The following GPR149 variants were observed in gnomAD, a reference collection of about 807,000 sequenced individuals.
GPR149 encodes G protein-coupled receptor 149.
In GPR149, 50 loss-of-function variants were observed where a neutral mutation model predicts 50.2. The ratio of observed to expected loss-of-function variants is 1.00; its 90% CI spans 0.79 to 1.26. The LOEUF (loss-of-function observed/expected upper bound fraction) is 1.26, where lower values mean the gene tolerates loss of function less well. Ranked by LOEUF, GPR149 falls within the 50% of genes most tolerant of loss-of-function variation. The pLI, the probability that GPR149 is intolerant of heterozygous loss-of-function variation, is 0.00. For synonymous variants in GPR149, 405 were observed against 358.2 expected, an observed-to-expected ratio of 1.13 and a Z score of -1.48; for missense variants, 983 against 895.4, an observed-to-expected ratio of 1.10 and a Z score of -1.25.
intron 3 of GPR149, among the ~76,000 whole-genome samples, chr3:154,410,295 CAT>C (rs976591479): frequency 6.6e-6 from 1 of 152,080 alleles, no homozygotes; most frequent in Non-Finnish European, 1.5e-5. Flanking sequence ...GCATAAATCT[CAT>C]AGGACCTATA....
chr3:154,352,492 T>A (rs1714103980), intron 3 of GPR149: 3 of 775,428 alleles, frequency 3.9e-6, no homozygotes, highest in Admixed American at 3.4e-5. Flanking sequence ...ACACTGGTAA[T>A]CTGAGACGCT....
At chr3:154,399,847 T>G (rs1711507556) in intron 3 of GPR149, among the ~76,000 whole-genome samples, 2 of 152,172 alleles carry the variant, frequency 1.3e-5, no homozygotes, top group East Asian at 1.9e-4. Context: ...CACAGTTGCT[T>G]TCACTGAAAT....
chr3:154,355,130 C>T (rs556505700), intron 3 of GPR149, among the ~76,000 whole-genome samples: 32 of 152,236 alleles, frequency 2.1e-4, no homozygotes, highest in African/African-American at 7.0e-4. Flanking sequence ...TGGGTTCAAG[C>T]GGTTGTCCTG....
chr3:154,384,728 C>G lies in GPR149; in HGVS notation c.1623+36311G>C, dbSNP rs764030139. On this transcript the variant is annotated intron_variant, in intron 3 of 3. Transcript: ENST00000389740. ...GAGCTAGAGTCCAAAATCTACCCAGCAACAAGGAAGCCATCCAAAGTTCTG... is the reference window on the plus strand; with the variant it reads ...GAGCTAGAGTCCAAAATCTACCCAGGAACAAGGAAGCCATCCAAAGTTCTG... 3.3e-5 allele frequency among the ~76,000 whole-genome samples: 5 copies of G among 152,346 alleles called. No homozygotes were observed. In the East Asian group the frequency reaches 9.6e-4, roughly 29 times the overall value.
chr3:154,414,271 G>A (rs886182110), intron 3 of GPR149, among the ~76,000 whole-genome samples: 1 of 151,824 alleles, frequency 6.6e-6, no homozygotes, highest in Non-Finnish European at 1.5e-5. Context: ...ACTTATTCAT[G>A]TAACCAAATA....
At position 154,338,039 on chromosome 3, in the gene GPR149, A is replaced by C; in HGVS notation, c.1856T>G (p.Leu619Trp). ...ATTATCACAAATTTCAAGAACCTCC[A>C]AGTGTATTTTCACACTGGTGTCCAC... ...TFVDTSVKIH[L>W]EVLEICDNEE... Residue 619 changes from leucine to tryptophan, a missense_variant, in exon 4 of 4, where the codon TTG becomes TGG. Transcript: ENST00000389740. 1 of 1,614,230 alleles carries C rather than the reference A, an allele frequency of 6.2e-7. No individual in the cohort carries two copies. The highest frequency in any genetic ancestry group is 8.5e-7 in the Non-Finnish European group (1 of 1,180,032).
chr3:154,422,327 T>C (rs1292520379), intron 2 of GPR149, among the ~76,000 whole-genome samples: 1 of 151,662 alleles, frequency 6.6e-6, no homozygotes, highest in African/African-American at 2.4e-5. Flanking sequence ...ACAATTTTTA[T>C]GTTGAATGTC....
At chr3:154,414,305 T>C (rs1349400960) in intron 3 of GPR149, among the ~76,000 whole-genome samples, 1 of 151,450 alleles carries the variant, frequency 6.6e-6, no homozygotes, top group Admixed American at 6.6e-5. Context: ...AAAAACCTAT[T>C]GAAATAAAAA....
rs1402496680 is a variant in GPR149, at chr3:154,352,897, C to G, written c.1624-14626G>C. The G allele has an allele frequency of 2.3e-5, 20 of 883,166 alleles. No individual in the cohort carries two copies. The East Asian group carries it at 4.8e-4, about 21-fold the overall frequency. The allele number at this position is 883,166 out of a possible 1,614,324, so 54.7% of individuals were successfully genotyped here. On this transcript the variant is annotated intron_variant, in intron 3 of 3. Coordinates refer to ENST00000389740, the MANE Select transcript of GPR149 (RefSeq NM_001038705.3). ...TATACAAATCCCTGTCCAGCTCTACCTGTGCATCCAGAGCGATGGATACGG... is the reference window on the plus strand; with the variant it reads ...TATACAAATCCCTGTCCAGCTCTACGTGTGCATCCAGAGCGATGGATACGG...
rs112804958 is a variant in GPR149, at chr3:154,354,483, G to A, written c.1624-16212C>T. On this transcript the variant is annotated intron_variant, in intron 3 of 3. Coordinates refer to ENST00000389740, the MANE Select transcript of GPR149 (RefSeq NM_001038705.3). ...TCTTCAGCTGATTTCTTTTTTGCAG[G>A]TCAAATGTTTCCAGTAAAAATTTTA... Among the ~76,000 whole-genome samples, 1,455 of 152,098 alleles carry A rather than the reference G, an allele frequency of 9.6e-3. 15 individuals carry two copies. The highest frequency in any genetic ancestry group is 0.017 in the Non-Finnish European group (1,158 of 67,980).
intron 3 of GPR149, chr3:154,353,431 C>A: frequency 9.7e-7 from 1 of 1,026,074 alleles, no homozygotes; most frequent in Non-Finnish European, 1.5e-6. Context: ...TCAACTTGTT[C>A]ATTAAAATCT....
At chr3:154,389,644 A>G (rs1715119836) in intron 3 of GPR149, among the ~76,000 whole-genome samples, 1 of 152,082 alleles carries the variant, frequency 6.6e-6, no homozygotes. Context: ...GAAACAAACA[A>G]AAGAGCTCCC....
At position 154,428,721 on chromosome 3, in the gene GPR149, T is replaced by G; in HGVS notation, c.895A>C (p.Thr299Pro). 1 of 1,614,122 alleles carries G rather than the reference T, an allele frequency of 6.2e-7. No individual in the cohort carries two copies. The highest frequency in any genetic ancestry group is 1.3e-5 in the African/African-American group (1 of 75,044). ...GCTACGCTCACGGTGAAGCTCCTGG[T>G]GCCATAGAGAGTCCCCCGGTTCTCA... ...RRENRGTLYG[T>P]RSFTVSVAQK... Residue 299 changes from threonine to proline, a missense_variant, in exon 1 of 4, where the codon ACC (threonine) becomes CCC (proline). Thr to Pro is a conservative substitution (Grantham distance 38). Transcript: ENST00000389740.
At chr3:154,367,778 A>G (rs1396184367) in intron 3 of GPR149, among the ~76,000 whole-genome samples, 1 of 152,106 alleles carries the variant, frequency 6.6e-6, no homozygotes, top group Admixed American at 6.5e-5. Context: ...GGCATGGCTA[A>G]GGCAAGAACC....
At chr3:154,352,989 G>T in intron 3 of GPR149, 5 of 1,140,822 alleles carry the variant, frequency 4.4e-6, no homozygotes, top group Non-Finnish European at 6.7e-6. Flanking sequence ...CAAACTATGG[G>T]CAGCCACATT....
At chr3:154,403,862 G>A (rs932027733) in intron 3 of GPR149, among the ~76,000 whole-genome samples, 4 of 152,136 alleles carry the variant, frequency 2.6e-5, no homozygotes, top group Non-Finnish European at 5.9e-5. Context: ...AGATGGTCCT[G>A]TTCCATATGG....
At chr3:154,395,650 G>A (rs1715273338) in intron 3 of GPR149, among the ~76,000 whole-genome samples, 1 of 151,896 alleles carries the variant, frequency 6.6e-6, no homozygotes, top group Non-Finnish European at 1.5e-5. Context: ...CTAAACTTTA[G>A]CCAGGCATGG....
In GPR149 at chr3:154,337,822, G is replaced by C. The variant is rs761628711; in HGVS notation, c.2073C>G (p.Asp691Glu). The C allele has an allele frequency of 3.1e-6, 5 of 1,614,064 alleles. No homozygotes were observed. The South Asian group carries it at 4.4e-5, about 14-fold the overall frequency. ...PDGDINISIPDTVEAHRQNSK... is the reference protein window; with the variant it reads ...PDGDINISIPETVEAHRQNSK... ...TGTTCTGCCTGTGTGCTTCTACTGT[G>C]TCTGGAATGGAGATATTAATATCAC... The change falls in exon 4 of 4, where the codon GAC becomes GAG. Residue 691 changes from aspartate to glutamate, a missense_variant. Coordinates refer to ENST00000389740, the MANE Select transcript of GPR149 (RefSeq NM_001038705.3).
chr3:154,362,490 T>C (rs1264032057), intron 3 of GPR149, among the ~76,000 whole-genome samples: 1 of 152,106 alleles, frequency 6.6e-6, no homozygotes, highest in Non-Finnish European at 1.5e-5. Context: ...TTAAAAACTA[T>C]TAAAAATATC....
Sources: allele counts gnomAD v4.1 joint callset (sites outside exome capture counted in the v4.1 genomes callset), GRCh38; gene constraint gnomAD v4.1.1; transcripts MANE v1.5; gene names NCBI Gene and HGNC (gene_info 2026-07-23, HGNC 2026-07-21).